ZNF510: variants seen among roughly 807,000 people sequenced by gnomAD.
ZNF510 encodes zinc finger protein 510.
A neutral mutation model predicts 18.1 loss-of-function variants in ZNF510; 15 were observed. The observed-to-expected ratio is 0.83, with a 90% CI of 0.55 to 1.28. The LOEUF (loss-of-function observed/expected upper bound fraction) is 1.28. Among genes scored for constraint, ZNF510 ranks in the 50% most tolerant of loss-of-function variants. ZNF510 has a pLI of 0.00. For missense variants in ZNF510, 724 were observed against 791.8 expected, an observed-to-expected ratio of 0.91 and a Z score of 1.03; for synonymous variants, 261 against 266.4, an observed-to-expected ratio of 0.98 and a Z score of 0.20.
At chr9:96,776,490 C>A (rs73536614) in intron 1 of ZNF510, among the ~76,000 whole-genome samples, 7,321 of 152,154 alleles carry the variant, frequency 0.048, 582 homozygotes, top group African/African-American at 0.17. Context: ...AGAAACGTCT[C>A]CAGGCCGGGC....
intron 5 of ZNF510, among the ~76,000 whole-genome samples, chr9:96,761,926 C>A (rs190096597): frequency 6.6e-6 from 1 of 152,118 alleles, no homozygotes; most frequent in Admixed American, 6.5e-5. Flanking sequence ...ATAATCATAT[C>A]TTTTTGTCAG....
In ZNF510 at chr9:96,760,069, A is replaced by G; in HGVS notation, c.761T>C (p.Phe254Ser). 1 of 1,611,610 alleles carries G rather than the reference A, an allele frequency of 6.2e-7. No homozygotes were observed. The highest frequency in any genetic ancestry group is 8.5e-7 in the Non-Finnish European group (1 of 1,179,152). ...HPKFQTLEQAFECNKIGKAFN... is the reference protein window; with the variant it reads ...HPKFQTLEQASECNKIGKAFN... Reference sequence around the variant, plus strand: ...GGCTTTTCCAATTTTATTACATTCAAAAGCTTGCTCCAAAGTTTGAAACTT... The same window carrying G: ...GGCTTTTCCAATTTTATTACATTCAGAAGCTTGCTCCAAAGTTTGAAACTT... Residue 254 changes from phenylalanine (F) to serine (S), a missense_variant, in exon 6 of 6, where the codon TTT becomes TCT. Physicochemically the swap from Phe to Ser is radical, Grantham distance 155. Coordinates refer to ENST00000223428, the MANE Select transcript of ZNF510 (RefSeq NM_014930.3).
In ZNF510 at chr9:96,759,453, G is replaced by T; in HGVS notation, c.1377C>A (p.Pro459=). The T allele has an allele frequency of 6.2e-7, 1 of 1,614,006 alleles. No individual in the cohort carries two copies. The highest frequency in any genetic ancestry group is 2.2e-5 in the East Asian group (1 of 44,860). The change falls in exon 6 of 6, where the codon CCC becomes CCA. Residue 459 remains proline (P), a synonymous_variant. Transcript: ENST00000223428. Reference sequence around the variant, plus strand: ...TTTTTCCACATTCATTACATTTATAGGGTTTTTCTGCTGTATGAATTCTCT... The same window carrying T: ...TTTTTCCACATTCATTACATTTATATGGTTTTTCTGCTGTATGAATTCTCT... ...THQRIHTAEK[P]YKCNECGKTF...
chr9:96,776,266 T>C, intron 1 of ZNF510, 21 bp from the exon 2 acceptor site: 1 of 1,094,428 alleles, frequency 9.1e-7, no homozygotes, highest in Non-Finnish European at 1.2e-6. Context: ...AAGAGCTGCT[T>C]TGCTCCAGAG....
intron 2 of ZNF510, among the ~76,000 whole-genome samples, 169 bp downstream of exon 2, chr9:96,775,829 AAG>A (rs1441304062): frequency 1.3e-5 from 2 of 152,182 alleles, no homozygotes; most frequent in African/African-American, 4.8e-5. Flanking sequence ...AGAATCTGGA[AAG>A]AGTGAGGCAA....
At position 96,757,299 on chromosome 9, in the gene ZNF510, T is replaced by C. The variant is rs1384689114; in HGVS notation, c.*1479A>G. The C allele has an allele frequency of 2.0e-5, 3 of 152,062 alleles. No individual in the cohort carries two copies. Among genetic ancestry groups the C allele is most frequent in the African/African-American group, 4.8e-5 (2 of 41,426 alleles). The allele number at this position is 152,062 out of a possible 1,614,324, so 9.4% of individuals were successfully genotyped here. ...GTGTGGGGGCAGTACCTCTGTGCAA[T>C]TAAGGCACACTTACGTTGAACTGCA... On this transcript the variant is annotated 3_prime_UTR_variant, in exon 6 of 6. Coordinates refer to ENST00000223428, the MANE Select transcript of ZNF510 (RefSeq NM_014930.3).
In ZNF510 at chr9:96,756,885, C is replaced by A. The variant is rs1304723217; in HGVS notation, c.*1893G>T. 1.3e-5 allele frequency: 2 copies of A among 152,214 alleles called. No individual in the cohort carries two copies. Among genetic ancestry groups the A allele is most frequent in the African/African-American group, 4.8e-5 (2 of 41,454 alleles). The allele number at this position is 152,214 out of a possible 1,614,324, so 9.4% of individuals were successfully genotyped here. ...TGGACCTCAGAGGTATCTTTACATA[C>A]AATTATTCCTGATTAGAATTCTATG... is the stretch of plus-strand genomic sequence containing the variant. On this transcript the variant is annotated 3_prime_UTR_variant, in exon 6 of 6. Transcript: ENST00000223428.
chr9:96,762,945 A>C (rs894782221), intron 5 of ZNF510, 173 bp downstream of exon 5: 2 of 549,962 alleles, frequency 3.6e-6, no homozygotes, highest in Non-Finnish European at 6.6e-6. Context: ...TATATTAACA[A>C]ATTTCTTACT....
Position 96,756,947 on chromosome 9 carries a change from T to C in ZNF510, c.*1831A>G, listed in dbSNP as rs959458420. 1 of 152,218 alleles carries C rather than the reference T, an allele frequency of 6.6e-6. No individual in the cohort carries two copies. The highest frequency in any genetic ancestry group is 1.5e-5 in the Non-Finnish European group (1 of 68,048). 9.4% of individuals were successfully genotyped at this position (152,218 alleles called of 1,614,324 possible). A position where few individuals can be genotyped will look rare whatever the true frequency, so the allele number is the denominator to read the frequency against. ...TTACAGGGAATTAGAATTCTCTCTA[T>C]AACTTATGGGAATTAATCCCTACTA... is the stretch of plus-strand genomic sequence containing the variant. On this transcript the variant is annotated 3_prime_UTR_variant, in exon 6 of 6. Coordinates refer to ENST00000223428, the MANE Select transcript of ZNF510 (RefSeq NM_014930.3).
In ZNF510 at chr9:96,762,264, C is replaced by T. The variant is rs373605256; in HGVS notation, c.352+854G>A. On this transcript the variant is annotated intron_variant, in intron 5 of 5. Coordinates refer to ENST00000223428, the MANE Select transcript of ZNF510 (RefSeq NM_014930.3). ...GTGGCTCATGCCTGTAATCCCAGCA[C>T]TTTGGGAGCCTGAGGTGGGCAGATC... 6.6e-3 allele frequency among the ~76,000 whole-genome samples: 980 copies of T among 149,042 alleles called. 15 individuals carry two copies. The highest frequency in any genetic ancestry group is 0.023 in the African/African-American group (937 of 40,482).
chr9:96,776,231 G>A lies in ZNF510; in HGVS notation c.-162C>T. Reference sequence around the variant, plus strand: ...GTTCTTCGGTGGGACTCCTGTTCCTGGGGCTCCCTCCTTCCTGCAACATAA... The same window carrying A: ...GTTCTTCGGTGGGACTCCTGTTCCTAGGGCTCCCTCCTTCCTGCAACATAA... On this transcript the variant is annotated 5_prime_UTR_variant, in exon 2 of 6. Coordinates refer to ENST00000223428, the MANE Select transcript of ZNF510 (RefSeq NM_014930.3). 7.7e-7 allele frequency: 1 copy of A among 1,301,124 alleles called. No individual in the cohort carries two copies. The allele number at this position is 1,301,124 out of a possible 1,614,324, so 80.6% of individuals were successfully genotyped here.
Position 96,763,498 on chromosome 9 carries a change from A to C in ZNF510, c.256+8T>G, listed in dbSNP as rs1564436643. ...AGTTACAAGGGTAAGTTATGTTTAC[A>C]TGCTTACCCACTGAGACGAGGTTGC... On this transcript the variant is annotated splice_region_variant and intron_variant, in intron 4 of 5. Transcript: ENST00000223428. The C allele has an allele frequency of 1.2e-6, 2 of 1,600,506 alleles. No individual in the cohort carries two copies. Among genetic ancestry groups the C allele is most frequent in the Non-Finnish European group, 1.7e-6 (2 of 1,175,440 alleles).
chr9:96,767,822 A>G (rs1849507495), intron 3 of ZNF510, among the ~76,000 whole-genome samples: 1 of 152,078 alleles, frequency 6.6e-6, no homozygotes, highest in African/African-American at 2.4e-5. Context: ...ACTAACACCA[A>G]TCCTTCTCTA....
chr9:96,768,084 T>C (rs559758983), intron 3 of ZNF510, among the ~76,000 whole-genome samples: 41 of 152,290 alleles, frequency 2.7e-4, no homozygotes, highest in African/African-American at 9.6e-4. Flanking sequence ...ATCAGTGTAA[T>C]ATATCACAAT....
intron 3 of ZNF510, among the ~76,000 whole-genome samples, chr9:96,771,991 C>G (rs963644617): frequency 6.6e-6 from 1 of 151,968 alleles, no homozygotes; most frequent in East Asian, 1.9e-4. Flanking sequence ...TGAAAAGGAC[C>G]TAAAATAGTA....
chr9:96,774,056 CTTA>C (rs1438622357), intron 3 of ZNF510, among the ~76,000 whole-genome samples: 1 of 152,242 alleles, frequency 6.6e-6, no homozygotes, highest in African/African-American at 2.4e-5. Flanking sequence ...CCTCCCCTCT[CTTA>C]TTATTCCCTA....
rs1849220864 is a variant in ZNF510, at chr9:96,757,372, G to A, written c.*1406C>T. 6.6e-6 allele frequency: 1 copy of A among 152,196 alleles called. No homozygotes were observed. Among genetic ancestry groups the A allele is most frequent in the African/African-American group, 2.4e-5 (1 of 41,442 alleles). The allele number at this position is 152,196 out of a possible 1,614,324, so 9.4% of individuals were successfully genotyped here. A position where few individuals can be genotyped will look rare whatever the true frequency, so the allele number is the denominator to read the frequency against. On this transcript the variant is annotated 3_prime_UTR_variant, in exon 6 of 6. Transcript: ENST00000223428. Reference sequence around the variant, plus strand: ...CAAAAGACTTTTAGGTTCATGCAAAGCCCTGTATCAGGTGGTACTATCAAT... The same window carrying A: ...CAAAAGACTTTTAGGTTCATGCAAAACCCTGTATCAGGTGGTACTATCAAT...
intron 5 of ZNF510, among the ~76,000 whole-genome samples, chr9:96,762,266 T>G (rs1285338999): frequency 1.3e-5 from 2 of 150,628 alleles, no homozygotes; most frequent in Non-Finnish European, 2.9e-5. Flanking sequence ...TCCCAGCACT[T>G]TGGGAGCCTG....
At chr9:96,772,512 A>G (rs1849603429) in intron 3 of ZNF510, among the ~76,000 whole-genome samples, 2 of 152,214 alleles carry the variant, frequency 1.3e-5, no homozygotes, top group Admixed American at 1.3e-4. Context: ...TACTGAAAAT[A>G]TTGAAATAAT....
Sources: gnomAD v4.1 joint callset for allele counts (sites outside exome capture counted in the v4.1 genomes callset) on GRCh38, gnomAD v4.1.1 for gene constraint, MANE v1.5 for transcripts, NCBI Gene and HGNC (gene_info 2026-07-23, HGNC 2026-07-21) for gene names.